Variants in CUBN observed in about 807,000 individuals in gnomAD.
The protein encoded by CUBN is cubilin.
A neutral mutation model predicts 405.3 loss-of-function variants in CUBN; 282 were observed. The ratio of observed to expected loss-of-function variants is 0.70; its 90% CI spans 0.63 to 0.77. CUBN has a LOEUF of 0.77. CUBN is among the 30% of genes least tolerant of loss of function. The probability of loss-of-function intolerance (pLI) is 0.00; values close to 1 mark genes in which losing one functional copy is unlikely to be tolerated. For synonymous variants in CUBN, 1,684 were observed against 1,617.0 expected (o/e 1.04, Z -0.99); for missense variants, 4,514 against 4,475.2 (o/e 1.01, Z -0.25).
chr10:17,108,278 G>A (rs1686659708), intron 10 of CUBN, among the ~76,000 whole-genome samples: 1 of 152,080 alleles, frequency 6.6e-6, no homozygotes, highest in African/African-American at 2.4e-5. Flanking sequence ...GCTAAAATCT[G>A]GTGGAGCCCA....
At chr10:16,981,806 C>T (rs1463630253) in intron 31 of CUBN, among the ~76,000 whole-genome samples, 6 of 152,152 alleles carry the variant, frequency 3.9e-5, no homozygotes, top group Admixed American at 6.5e-5. Context: ...GTCAAGGAAA[C>T]CCTCCCATCT....
At position 16,831,317 on chromosome 10, in the gene CUBN, C is replaced by T. The variant is rs764524298; in HGVS notation, c.10463G>A (p.Arg3488Gln). 58 of 1,613,684 alleles carry T rather than the reference C, an allele frequency of 3.6e-5. No individual in the cohort carries two copies. In the Middle Eastern group the frequency reaches 5.0e-4, roughly 14 times the overall value. Residue 3488 changes from arginine (R) to glutamine (Q), a missense_variant, in exon 65 of 67, where the codon CGA (arginine) becomes CAA (glutamine). By Grantham distance (43) the Arg-to-Gln change is conservative. Transcript: ENST00000377833. Reference protein sequence around the residue: ...VFSQNNELYLRFKSDSVTSDR... With the variant: ...VFSQNNELYLQFKSDSVTSDR... ...AGAAGTTACACTATCACTCTTAAAT[C>T]GTAGGTATAGTTCATTATTTTGAGA...
At chr10:16,873,695 C>T (rs1475346971) in intron 58 of CUBN, among the ~76,000 whole-genome samples, 2 of 143,322 alleles carry the variant, frequency 1.4e-5, no homozygotes, top group African/African-American at 2.6e-5. Context: ...ACACTCCAGC[C>T]TGGGTGACAA....
At chr10:16,960,869 T>C (rs1050084751) in intron 31 of CUBN, among the ~76,000 whole-genome samples, 4 of 152,100 alleles carry the variant, frequency 2.6e-5, no homozygotes, top group Non-Finnish European at 5.9e-5. Flanking sequence ...GCCAATGTCA[T>C]GCACTCCGCT....
At chr10:16,980,936 T>C (rs1453209824) in intron 31 of CUBN, among the ~76,000 whole-genome samples, 2 of 151,934 alleles carry the variant, frequency 1.3e-5, no homozygotes, top group Admixed American at 6.6e-5. Flanking sequence ...TTCACTCTTA[T>C]ATGAAGCGCA....
chr10:16,907,674 G>T lies in CUBN; in HGVS notation c.7539C>A (p.Phe2513Leu). 6.2e-7 allele frequency: 1 copy of T among 1,611,916 alleles called. No individual in the cohort carries two copies. The highest frequency in any genetic ancestry group is 8.5e-7 in the Non-Finnish European group (1 of 1,179,782). Residue 2513 changes from phenylalanine to leucine, a missense_variant, in exon 49 of 67, where the codon TTC becomes TTA. Phe to Leu is a conservative substitution (Grantham distance 22, BLOSUM62 0). This residue lies in a region of CUBN where 1,613 missense variants were observed against 1,542.8 expected (regional missense o/e 1.05). Transcript: ENST00000377833. ...PSCNNEHVIV[F>L]NGIRSNSPQL... ...GGGGTGAGTTACTTCTAATGCCATT[G>T]AATACCTGTTGGAAAAAGAGTTTAA...
intron 60 of CUBN, among the ~76,000 whole-genome samples, chr10:16,847,804 A>C (rs138806729): frequency 1.1e-3 from 170 of 152,386 alleles, no homozygotes; most frequent in African/African-American, 4.0e-3. Context: ...TTATGAATGA[A>C]TAATGGAATT....
chr10:16,828,940 A>G lies in CUBN; in HGVS notation c.10629T>C (p.Ala3543=). 6.2e-7 allele frequency: 1 copy of G among 1,614,130 alleles called. No homozygotes were observed. Among genetic ancestry groups the G allele is most frequent in the South Asian group, 1.1e-5 (1 of 91,086 alleles). Residue 3543 remains alanine (A), a synonymous_variant, in exon 66 of 67, where the codon GCT becomes GCC. Coordinates refer to ENST00000377833, the MANE Select transcript of CUBN (RefSeq NM_001081.4). ...NNTYCEWVLV[A]PAGRLVTINF... ...TGATGGTGACAAGCCTTCCAGCAGGAGCAACAAGGACCCACTCGCAGTACG... is the reference window on the plus strand; with the variant it reads ...TGATGGTGACAAGCCTTCCAGCAGGGGCAACAAGGACCCACTCGCAGTACG...
At chr10:17,064,463 G>A (rs1835567688) in intron 22 of CUBN, among the ~76,000 whole-genome samples, 1 of 152,148 alleles carries the variant, frequency 6.6e-6, no homozygotes, top group South Asian at 2.1e-4. Context: ...CCCAACATAG[G>A]AAAAGCTACC....
rs1192348072 is a variant in CUBN, at chr10:17,122,821, T to C, written c.567A>G (p.Thr189=). Residue 189 remains threonine (T), a synonymous_variant, in exon 6 of 67, where the codon ACA becomes ACG. Transcript: ENST00000377833. Reference sequence around the variant, plus strand: ...TGTAACTTCCCATTGTATTAACACATGTGCCTCCATTCTGGCAGCTCAAGG... The same window carrying C: ...TGTAACTTCCCATTGTATTAACACACGTGCCTCCATTCTGGCAGCTCAAGG... ...GTPLSCQNGG[T]CVNTMGSYSC... is the part of the protein sequence containing the mutation. 8 of 1,611,084 alleles carry C rather than the reference T, an allele frequency of 5.0e-6. No homozygotes were observed. The highest frequency in any genetic ancestry group is 4.0e-5 in the African/African-American group (3 of 74,632).
At chr10:17,096,533 C>G (rs951379288) in intron 14 of CUBN, among the ~76,000 whole-genome samples, 2 of 151,936 alleles carry the variant, frequency 1.3e-5, no homozygotes, top group Non-Finnish European at 2.9e-5. Flanking sequence ...GAACAAAAAG[C>G]TGGCAAATCT....
Position 16,918,563 on chromosome 10 carries a change from A to G in CUBN, c.7000+59T>C, listed in dbSNP as rs1227255732. On this transcript the variant is annotated intron_variant, in intron 45 of 66. Coordinates refer to ENST00000377833, the MANE Select transcript of CUBN (RefSeq NM_001081.4). ...AACCCCCAAACACGAATTTACCTAT[A>G]TAACAAATCTGCACATGTACCCCTG... 6 of 1,325,420 alleles carry G rather than the reference A, an allele frequency of 4.5e-6. No homozygotes were observed. The Admixed American group carries it at 7.3e-5, about 16-fold the overall frequency. 82.1% of individuals were successfully genotyped at this position (1,325,420 alleles called of 1,614,324 possible). A position where few individuals can be genotyped will look rare whatever the true frequency, so the allele number is the denominator to read the frequency against.
At chr10:17,124,355 G>A (rs567736398) in intron 4 of CUBN, among the ~76,000 whole-genome samples, 1 of 152,046 alleles carries the variant, frequency 6.6e-6, no homozygotes, top group African/African-American at 2.4e-5. Flanking sequence ...TTTGAATCTT[G>A]TTAAGATTTT....
chr10:17,082,247 A>T (rs1835989848), intron 17 of CUBN, among the ~76,000 whole-genome samples: 1 of 152,244 alleles, frequency 6.6e-6, no homozygotes, highest in African/African-American at 2.4e-5. Flanking sequence ...AGGAACTGAA[A>T]GATCCAGATA....
At chr10:16,937,486 G>A (rs1011273966) in intron 39 of CUBN, 106 bp downstream of exon 39, 1 of 889,908 alleles carries the variant, frequency 1.1e-6, no homozygotes, top group Non-Finnish European at 1.8e-6. Flanking sequence ...AAGGGCTTTG[G>A]GGCTGTACTT....
chr10:16,954,505 G>A lies in CUBN; in HGVS notation c.4739C>T (p.Thr1580Met), dbSNP rs550619948. 7.6e-5 allele frequency: 123 copies of A among 1,613,762 alleles called. 2 individuals carry two copies. Among genetic ancestry groups the A allele is most frequent in the South Asian group, 6.7e-4 (61 of 91,068 alleles). The change falls in exon 32 of 67, where the codon ACG becomes ATG. Residue 1580 changes from threonine to methionine, a missense_variant. Transcript: ENST00000377833. ...LSSTMSRLARTCGREQLANPI... is the reference protein window; with the variant it reads ...LSSTMSRLARMCGREQLANPI... Reference sequence around the variant, plus strand: ...GTTAGCCAGCTGCTCCCTTCCACACGTCCTGGCAAGGCGGGACATTGTGGA... The same window carrying A: ...GTTAGCCAGCTGCTCCCTTCCACACATCCTGGCAAGGCGGGACATTGTGGA...
intron 14 of CUBN, among the ~76,000 whole-genome samples, chr10:17,096,686 A>G (rs1192712970): frequency 6.6e-6 from 1 of 152,086 alleles, no homozygotes; most frequent in Non-Finnish European, 1.5e-5. Context: ...ACTACATCTA[A>G]CCATTACAGA....
chr10:16,965,507 G>A (rs11254303), intron 31 of CUBN: 8,667 of 149,432 alleles, frequency 0.058, 366 homozygotes, highest in Non-Finnish European at 0.088. Flanking sequence ...GTCAGTCATC[G>A]TTTGCACCCC....
chr10:16,983,578 A>C (rs539163424), intron 30 of CUBN, among the ~76,000 whole-genome samples: 1 of 152,260 alleles, frequency 6.6e-6, no homozygotes, highest in African/African-American at 2.4e-5. Context: ...AGCATTCTGC[A>C]AATGTGGCTA....
Sources: gnomAD v4.1 joint callset for allele counts (sites outside exome capture counted in the v4.1 genomes callset) on GRCh38, gnomAD v4.1.1 for gene constraint, gnomAD v4.1.1 regional missense constraint, MANE v1.5 for transcripts, NCBI Gene and HGNC (gene_info 2026-07-23, HGNC 2026-07-21) for gene names.